Variants in HEMK2 observed in about 807,000 individuals in gnomAD.
The protein encoded by HEMK2 is HemK methyltransferase 2, ETF1 glutamine and histone H4 lysine.
the HEMK2 span, among the ~76,000 whole-genome samples, chr21:28,824,777 T>C: frequency 2.0e-5 from 3 of 152,220 alleles, no homozygotes; most frequent in Non-Finnish European, 4.4e-5. Flanking sequence ...CTTGGCTTTT[T>C]TGTTGTTGTT....
At chr21:28,751,234 G>GAAAAAA in the HEMK2 span, among the ~76,000 whole-genome samples, 219 of 125,382 alleles carry the variant, frequency 1.7e-3, 1 homozygote, top group African/African-American at 5.4e-3. Context: ...CTGTCTCAAT[G>GAAAAAA]AAAAAAAAAA....
chr21:28,685,721 C>G, the HEMK2 span, among the ~76,000 whole-genome samples: 1 of 152,028 alleles, frequency 6.6e-6, no homozygotes, highest in Non-Finnish European at 1.5e-5. Context: ...ATAAACTGAA[C>G]TCAGCTTCAA....
the HEMK2 span, among the ~76,000 whole-genome samples, chr21:28,861,451 T>C: frequency 6.6e-6 from 1 of 152,212 alleles, no homozygotes; most frequent in Non-Finnish European, 1.5e-5. Context: ...AAAGACTAAT[T>C]TGAATTACAA....
At chr21:28,637,357 G>A in the HEMK2 span, among the ~76,000 whole-genome samples, 8 of 151,626 alleles carry the variant, frequency 5.3e-5, no homozygotes, top group African/African-American at 1.5e-4. Context: ...TGTGATTTTT[G>A]AGACACAATG....
chr21:28,885,127 G>T, the HEMK2 span: 1 of 1,444,110 alleles, frequency 6.9e-7, no homozygotes, highest in South Asian at 1.5e-5. Flanking sequence ...TCAGGGCGGT[G>T]ATAGTCACCG....
the HEMK2 span, among the ~76,000 whole-genome samples, chr21:28,856,598 G>C: frequency 6.6e-6 from 1 of 152,150 alleles, no homozygotes; most frequent in Admixed American, 6.5e-5. Flanking sequence ...CAGGTATCCA[G>C]GTTGTCACAT....
At chr21:28,576,069 T>A in the HEMK2 span, among the ~76,000 whole-genome samples, 1 of 152,232 alleles carries the variant, frequency 6.6e-6, no homozygotes, top group African/African-American at 2.4e-5. Context: ...ATAAATTTTT[T>A]ATGAGTATAT....
the HEMK2 span, among the ~76,000 whole-genome samples, chr21:28,576,290 G>A: frequency 2.0e-5 from 3 of 152,168 alleles, no homozygotes; most frequent in South Asian, 4.1e-4. Flanking sequence ...GGGGTTAAGT[G>A]CTATCTCATT....
At chr21:28,620,949 G>A in the HEMK2 span, among the ~76,000 whole-genome samples, 1 of 151,856 alleles carries the variant, frequency 6.6e-6, no homozygotes, top group Non-Finnish European at 1.5e-5. Context: ...TGGGATACAG[G>A]CATGAGCCAC....
the HEMK2 span, among the ~76,000 whole-genome samples, chr21:28,835,409 A>ACC: frequency 2.6e-5 from 4 of 152,222 alleles, no homozygotes; most frequent in African/African-American, 9.6e-5. Context: ...ACTGCAGTTC[A>ACC]TCTCACAGGA....
chr21:28,704,811 A>G, the HEMK2 span, among the ~76,000 whole-genome samples: 1 of 152,222 alleles, frequency 6.6e-6, no homozygotes, highest in Non-Finnish European at 1.5e-5. Context: ...GACAAAGTAT[A>G]CAAGTTTCAA....
chr21:28,778,198 A>G, the HEMK2 span, among the ~76,000 whole-genome samples: 2 of 152,220 alleles, frequency 1.3e-5, no homozygotes, highest in Non-Finnish European at 2.9e-5. Flanking sequence ...AAAATGTTAT[A>G]TAAGTGGGAT....
the HEMK2 span, among the ~76,000 whole-genome samples, chr21:28,832,186 A>G: frequency 2.4e-4 from 36 of 152,352 alleles, no homozygotes; most frequent in East Asian, 4.1e-3. Context: ...ACTGGACTTA[A>G]GTATCCTTCC....
At chr21:28,577,545 C>T in the HEMK2 span, among the ~76,000 whole-genome samples, 1 of 152,166 alleles carries the variant, frequency 6.6e-6, no homozygotes, top group South Asian at 2.1e-4. Flanking sequence ...CCTTGTTTTG[C>T]CCACCTAACA....
the HEMK2 span, among the ~76,000 whole-genome samples, chr21:28,639,873 C>A: frequency 7.2e-5 from 11 of 152,148 alleles, no homozygotes; most frequent in Admixed American, 7.2e-4. Flanking sequence ...ATGAGCCAAT[C>A]ATCCAGTACA....
At chr21:28,626,849 C>T in the HEMK2 span, among the ~76,000 whole-genome samples, 1 of 152,130 alleles carries the variant, frequency 6.6e-6, no homozygotes, top group Non-Finnish European at 1.5e-5. Flanking sequence ...TTCAAACCCA[C>T]TCATATACTT....
chr21:28,760,179 G>A, the HEMK2 span, among the ~76,000 whole-genome samples: 463 of 152,320 alleles, frequency 3.0e-3, 2 homozygotes, highest in African/African-American at 0.011. Context: ...GGGTGAGAAG[G>A]ATGATTGAAA....
At chr21:28,783,921 G>A in the HEMK2 span, among the ~76,000 whole-genome samples, 4 of 152,228 alleles carry the variant, frequency 2.6e-5, no homozygotes, top group Non-Finnish European at 5.9e-5. Flanking sequence ...CAGAGGGTGC[G>A]CCAGGTCCCC....
chr21:28,771,523 C>CCCCT, the HEMK2 span, among the ~76,000 whole-genome samples: 1 of 106,246 alleles, frequency 9.4e-6, no homozygotes, highest in African/African-American at 3.8e-5. Flanking sequence ...GCACCACCCC[C>CCCCT]CCCCGCCAAA....
Sources: gnomAD v4.1 joint callset for allele counts (sites outside exome capture counted in the v4.1 genomes callset) on GRCh38, gnomAD v4.1.1 for gene constraint, MANE v1.5 for transcripts, NCBI Gene and HGNC (gene_info 2026-07-23, HGNC 2026-07-21) for gene names.